CCDC141: variants seen among roughly 807,000 people sequenced by gnomAD.
The protein encoded by CCDC141 is coiled-coil domain-containing protein 141.
Under a neutral mutation model 181.0 loss-of-function variants are expected in CCDC141, and 168 were observed. The ratio of observed to expected loss-of-function variants is 0.93; its 90% confidence interval spans 0.82 to 1.05. The LOEUF is 1.05. CCDC141 is among the 50% of genes least tolerant of loss of function. The pLI is 0.00. For synonymous variants in CCDC141, 666 were observed against 642.3 expected, an observed-to-expected ratio of 1.04 and a Z score of -0.56; for missense variants, 1,902 against 1,788.5, an observed-to-expected ratio of 1.06 and a Z score of -1.14.
At chr2:179,008,653 C>G (rs566956234) in intron 2 of CCDC141, among the ~76,000 whole-genome samples, 3 of 152,128 alleles carry the variant, frequency 2.0e-5, no homozygotes, top group Non-Finnish European at 2.9e-5. Context: ...AACATACAAC[C>G]ACGTTTTGGA....
chr2:178,971,100 C>G (rs905876682), intron 4 of CCDC141, among the ~76,000 whole-genome samples: 1 of 151,956 alleles, frequency 6.6e-6, no homozygotes, highest in African/African-American at 2.4e-5. Context: ...CCCAGCTACT[C>G]GGGAGGCTGA....
At chr2:179,016,890 G>A (rs995160158) in intron 2 of CCDC141, among the ~76,000 whole-genome samples, 4 of 152,018 alleles carry the variant, frequency 2.6e-5, no homozygotes, top group African/African-American at 4.8e-5. Context: ...AAGGTGCTAC[G>A]TATGCTGAAG....
At chr2:178,865,981 T>G in intron 16 of CCDC141, 65 bp from the exon 17 acceptor site, 3 of 1,236,420 alleles carry the variant, frequency 2.4e-6, no homozygotes, top group South Asian at 3.0e-5. Flanking sequence ...AGTAGGCTAT[T>G]TACCTGAATT....
At position 178,987,024 on chromosome 2, in the gene CCDC141, A is replaced by G. The variant is rs1306021096; in HGVS notation, c.226-8349T>C. Among the ~76,000 whole-genome samples the G allele has an allele frequency of 5.3e-5, 8 of 152,074 alleles. No individual in the cohort carries two copies. In the South Asian group the frequency reaches 8.4e-4, roughly 16 times the overall value. On this transcript the variant is annotated intron_variant, in intron 2 of 23. Transcript: ENST00000443758. ...CGCATCGCCAAGTCAATCCAAAGCC[A>G]AAAGAACAAAGCTGGAGGCATCACA...
At chr2:178,882,724 C>T (rs944551846) in intron 11 of CCDC141, among the ~76,000 whole-genome samples, 9 of 152,016 alleles carry the variant, frequency 5.9e-5, no homozygotes, top group African/African-American at 1.9e-4. Flanking sequence ...GAGGCCCGTG[C>T]ATTTGTAACG....
At position 178,856,357 on chromosome 2, in the gene CCDC141, T is replaced by C; in HGVS notation, c.2765A>G (p.Asn922Ser). 2 of 1,603,678 alleles carry C rather than the reference T, an allele frequency of 1.2e-6. No individual in the cohort carries two copies. Among genetic ancestry groups the C allele is most frequent in the African/African-American group, 1.3e-5 (1 of 74,676 alleles). Reference protein sequence around the residue: ...SFKDIKKKFNNLKFNYTKKNE... With the variant: ...SFKDIKKKFNSLKFNYTKKNE... The stretch of plus-strand genomic sequence containing the variant: ...TTTCTTAGTGTAATTAAACTTCAAA[T>C]TATTGAATTTCTTTTTGATATCTTT... The change falls in exon 18 of 24, where the codon AAT becomes AGT. Residue 922 changes from asparagine to serine, a missense_variant. By Grantham distance (46) the Asn-to-Ser change is conservative. Coordinates refer to ENST00000443758, the MANE Select transcript of CCDC141 (RefSeq NM_173648.4).
rs898407800 is a variant in CCDC141, at chr2:178,980,437, G to T, written c.226-1762C>A. The stretch of plus-strand genomic sequence containing the variant: ...TGCACTCCAGCCTGGGCAACAGAGC[G>T]AGACTCTGTCTCAAAAAAAGAAAAA... On this transcript the variant is annotated intron_variant, in intron 2 of 23. Transcript: ENST00000443758. Among the ~76,000 whole-genome samples, 4 of 152,086 alleles carry T rather than the reference G, an allele frequency of 2.6e-5. No homozygotes were observed. The South Asian group carries it at 8.3e-4, about 32-fold the overall frequency.
intron 5 of CCDC141, among the ~76,000 whole-genome samples, chr2:178,947,560 G>C (rs952780274): frequency 6.6e-6 from 1 of 152,212 alleles, no homozygotes; most frequent in African/African-American, 2.4e-5. Flanking sequence ...TTGATGCCCA[G>C]AGGAGATAGA....
chr2:179,015,360 C>CCATATATGTATCATACATATCT (rs2042451788), intron 2 of CCDC141, among the ~76,000 whole-genome samples: 2 of 32,704 alleles, frequency 6.1e-5, no homozygotes, highest in Non-Finnish European at 6.9e-5. Flanking sequence ...CATACATATC[C>CCATATATGTATCATACATATCT]CATATATGTA....
chr2:178,957,654 T>C (rs568699816), intron 5 of CCDC141, among the ~76,000 whole-genome samples: 6 of 152,328 alleles, frequency 3.9e-5, no homozygotes, highest in Admixed American at 3.9e-4. Context: ...ATTGCCAAAA[T>C]TTGGAAGCAA....
At chr2:178,984,217 G>T (rs912470951) in intron 2 of CCDC141, among the ~76,000 whole-genome samples, 5 of 150,144 alleles carry the variant, frequency 3.3e-5, no homozygotes, top group African/African-American at 4.9e-5. Context: ...GCCAAACTAA[G>T]CTTCATAAGT....
intron 2 of CCDC141, among the ~76,000 whole-genome samples, chr2:178,997,519 C>T (rs530836262): frequency 6.6e-6 from 1 of 152,226 alleles, no homozygotes; most frequent in South Asian, 2.1e-4. Flanking sequence ...GAAGGAGACA[C>T]AGAGGCCTAA....
intron 23 of CCDC141, chr2:178,835,924 A>T (rs1222417731): frequency 6.6e-6 from 1 of 152,654 alleles, no homozygotes; most frequent in East Asian, 1.9e-4. Flanking sequence ...TAATTTGAGA[A>T]ACCAAAGTTT....
chr2:178,964,854 CTACT>C (rs532253723), intron 4 of CCDC141, among the ~76,000 whole-genome samples: 15 of 152,124 alleles, frequency 9.9e-5, no homozygotes, highest in Non-Finnish European at 2.2e-4. Flanking sequence ...ATACGAAATC[CTACT>C]TACTGACACA....
chr2:178,834,546 T>G (rs1684397298), intron 23 of CCDC141, 106 bp from the exon 24 acceptor site: 1 of 1,250,912 alleles, frequency 8.0e-7, no homozygotes, highest in South Asian at 1.5e-5. Context: ...CAATATTCTC[T>G]TAGGATTAGT....
the CCDC141 span, chr2:178,817,662 G>C: frequency 2.4e-6 from 1 of 414,864 alleles, no homozygotes; most frequent in East Asian, 7.3e-5. Context: ...TTCTAGGAAC[G>C]TTAGAATTTT....
intron 11 of CCDC141, among the ~76,000 whole-genome samples, chr2:178,883,781 T>C (rs942500784): frequency 2.0e-5 from 3 of 151,978 alleles, no homozygotes; most frequent in African/African-American, 7.2e-5. Context: ...GAAAATAAAA[T>C]AGGGCTTTTC....
At chr2:178,864,113 T>G (rs980999997) in intron 17 of CCDC141, among the ~76,000 whole-genome samples, 12 of 152,130 alleles carry the variant, frequency 7.9e-5, no homozygotes, top group African/African-American at 2.9e-4. Context: ...CTCAGCCTGC[T>G]CCACTTGCGC....
chr2:178,916,701 G>C (rs926526746), intron 7 of CCDC141, among the ~76,000 whole-genome samples: 13 of 152,100 alleles, frequency 8.5e-5, no homozygotes, highest in African/African-American at 2.9e-4. Context: ...TTTGAAAAGG[G>C]AGAAAGGATT....
Sources: gnomAD v4.1 joint callset for allele counts (sites outside exome capture counted in the v4.1 genomes callset) on GRCh38, gnomAD v4.1.1 for gene constraint, MANE v1.5 for transcripts, NCBI Gene and HGNC (gene_info 2026-07-23, HGNC 2026-07-21) for gene names.